Variants in TENT4B observed in about 807,000 individuals in gnomAD.
TENT4B encodes PAP associated domain containing 5.
A neutral mutation model predicts 75.0 loss-of-function variants in TENT4B; 10 were observed. The observed-to-expected ratio is 0.13, with a 90% CI of 0.08 to 0.23. The LOEUF (loss-of-function observed/expected upper bound fraction) is 0.23. TENT4B is among the 10% of genes least tolerant of loss of function. The pLI is 1.00. For synonymous variants in TENT4B, 350 were observed against 357.7 expected, an observed-to-expected ratio of 0.98 and a Z score of 0.24; for missense variants, 579 against 893.8, an observed-to-expected ratio of 0.65 and a Z score of 4.49.
At chr16:50,218,321 G>T (rs1012420147) in intron 5 of TENT4B, among the ~76,000 whole-genome samples, 2 of 151,840 alleles carry the variant, frequency 1.3e-5, no homozygotes, top group South Asian at 2.1e-4. Context: ...ATACTGTGCG[G>T]GCAGTGAGCT....
At position 50,234,642 on chromosome 16, in the gene TENT4B, A is replaced by G. The variant is rs117713285; in HGVS notation, c.*5314A>G. ...TGAAACTTACAGAAGTCACTTTAAA[A>G]AAGTCTTTTGAAAGTCCTACAATCC... On this transcript the variant is annotated 3_prime_UTR_variant, in exon 12 of 12. Coordinates refer to ENST00000561678, the MANE Select transcript of TENT4B (RefSeq NM_001365324.3). The G allele has an allele frequency of 9.9e-3, 9,770 of 985,400 alleles. 53 individuals carry two copies. The highest frequency in any genetic ancestry group is 0.011 in the Non-Finnish European group (9,180 of 829,898). 61.0% of individuals were successfully genotyped at this position (985,400 alleles called of 1,614,324 possible). A position where few individuals can be genotyped will look rare whatever the true frequency, so the allele number is the denominator to read the frequency against.
intron 1 of TENT4B, among the ~76,000 whole-genome samples, chr16:50,173,820 G>A (rs8043876): frequency 0.97 from 148,218 of 152,182 alleles, 72,179 homozygotes; most frequent in East Asian, 1. Flanking sequence ...CAGCTCCCCA[G>A]GTAGCTGGGA....
intron 1 of TENT4B, among the ~76,000 whole-genome samples, chr16:50,166,425 C>A (rs2150675833): frequency 6.6e-6 from 1 of 152,254 alleles, no homozygotes; most frequent in African/African-American, 2.4e-5. Context: ...TATAGCCAAT[C>A]TAGTGGGTAT....
chr16:50,170,816 G>A (rs1048184591), intron 1 of TENT4B, among the ~76,000 whole-genome samples: 2 of 152,034 alleles, frequency 1.3e-5, no homozygotes, highest in African/African-American at 4.8e-5. Flanking sequence ...ACAGGTGCGG[G>A]CCATCATGCC....
intron 1 of TENT4B, among the ~76,000 whole-genome samples, chr16:50,157,253 G>A (rs1328564877): frequency 6.6e-6 from 1 of 152,146 alleles, no homozygotes; most frequent in Non-Finnish European, 1.5e-5. Context: ...GCTGTCTTTT[G>A]TGTTCTCTGC....
At chr16:50,166,505 C>T (rs2038103446) in intron 1 of TENT4B, among the ~76,000 whole-genome samples, 1 of 152,154 alleles carries the variant, frequency 6.6e-6, no homozygotes, top group Admixed American at 6.5e-5. Context: ...TTTACATGAG[C>T]TTGTTGGCCA....
intron 1 of TENT4B, among the ~76,000 whole-genome samples, chr16:50,202,552 C>T (rs376533941): frequency 3.9e-5 from 6 of 152,202 alleles, no homozygotes; most frequent in African/African-American, 9.6e-5. Flanking sequence ...TTGAGGAATA[C>T]ATTTATTAAT....
In TENT4B at chr16:50,231,145, T is replaced by A; in HGVS notation, c.*1817T>A. On this transcript the variant is annotated 3_prime_UTR_variant, in exon 12 of 12. Coordinates refer to ENST00000561678, the MANE Select transcript of TENT4B (RefSeq NM_001365324.3). ...AATGTGTTCCAAAACTGGAAACTCATAGTACTCGTGTAAACTGTGGAAGAT... is the reference window on the plus strand; with the variant it reads ...AATGTGTTCCAAAACTGGAAACTCAAAGTACTCGTGTAAACTGTGGAAGAT... 2.0e-6 allele frequency: 2 copies of A among 985,580 alleles called. No homozygotes were observed. Among genetic ancestry groups the A allele is most frequent in the Non-Finnish European group, 2.4e-6 (2 of 829,700 alleles). 61.1% of individuals were successfully genotyped at this position (985,580 alleles called of 1,614,324 possible).
intron 1 of TENT4B, among the ~76,000 whole-genome samples, chr16:50,172,496 T>C (rs574812590): frequency 7.7e-6 from 1 of 130,296 alleles, no homozygotes; most frequent in South Asian, 2.6e-4. Context: ...TATATTTTAA[T>C]AGAATTTATT....
intron 1 of TENT4B, among the ~76,000 whole-genome samples, chr16:50,179,192 G>A (rs1005289106): frequency 6.6e-6 from 1 of 151,988 alleles, no homozygotes; most frequent in Non-Finnish European, 1.5e-5. Flanking sequence ...GAGAAACCCC[G>A]TCTCTACTAA....
intron 1 of TENT4B, among the ~76,000 whole-genome samples, chr16:50,206,297 A>T (rs1207633616): frequency 6.6e-6 from 1 of 151,978 alleles, no homozygotes; most frequent in South Asian, 2.1e-4. Context: ...TGCCTTTTCA[A>T]TATATTGTTT....
intron 1 of TENT4B, among the ~76,000 whole-genome samples, chr16:50,157,788 C>T (rs1287093185): frequency 6.7e-6 from 1 of 149,862 alleles, no homozygotes. Context: ...TTTTTTGAGA[C>T]AGGGTCTTGC....
rs869060811 is a variant in TENT4B at position 50,182,891 on chromosome 16, C to CTTTTTTTTTTTTTTTT, written c.639-28416_639-28401dup. Among the ~76,000 whole-genome samples the CTTTTTTTTTTTTTTTT allele has an allele frequency of 9.0e-3, 327 of 36,454 alleles. 92 individuals are homozygous for CTTTTTTTTTTTTTTTT. Among genetic ancestry groups the CTTTTTTTTTTTTTTTT allele is most frequent in the East Asian group, 0.02 (17 of 848 alleles). The allele number at this position is 36,454 out of a possible 152,430, so 23.9% of individuals were successfully genotyped here. A position where few individuals can be genotyped will look rare whatever the true frequency, so the allele number is the denominator to read the frequency against. On this transcript the variant is annotated intron_variant, in intron 1 of 11. Transcript: ENST00000561678. ...CCAAGTACAGCAAGTTTTATTTTAC[C>CTTTTTTTTTTTTTTTT]TTTTTTTTTTTTTTTTTTTTTTTTT...
At position 50,172,952 on chromosome 16, in the gene TENT4B, C is replaced by CT. The variant is rs1297251458; in HGVS notation, c.638+18701dup. 3.1e-4 allele frequency among the ~76,000 whole-genome samples: 47 copies of CT among 151,850 alleles called. No individual in the cohort carries two copies. In the South Asian group the frequency reaches 9.4e-3, roughly 30 times the overall value. ...TCCTTCCTGGCTTGATAGCTCTTTTCTTTTTTTTGAGATGGAGTCTCGCTC... is the reference window on the plus strand; with the variant it reads ...TCCTTCCTGGCTTGATAGCTCTTTTCTTTTTTTTTGAGATGGAGTCTCGCTC... On this transcript the variant is annotated intron_variant, in intron 1 of 11. Transcript: ENST00000561678.
rs932614274 is a variant in TENT4B at position 50,210,061 on chromosome 16, C to G, written c.639-1262C>G. Among the ~76,000 whole-genome samples the G allele has an allele frequency of 2.6e-5, 4 of 152,144 alleles. No individual in the cohort carries two copies. In the South Asian group the frequency reaches 6.2e-4, roughly 24 times the overall value. On this transcript the variant is annotated intron_variant, in intron 1 of 11. Coordinates refer to ENST00000561678, the MANE Select transcript of TENT4B (RefSeq NM_001365324.3). Reference sequence around the variant, plus strand: ...CACTGCTGTGCCCCAGGCCAAACCCCCTGCCCCTCCTTCCCCTAAGGCACT... The same window carrying G: ...CACTGCTGTGCCCCAGGCCAAACCCGCTGCCCCTCCTTCCCCTAAGGCACT...
At chr16:50,191,868 G>A (rs529196657) in intron 1 of TENT4B, among the ~76,000 whole-genome samples, 6 of 152,172 alleles carry the variant, frequency 3.9e-5, no homozygotes, top group South Asian at 2.1e-4. Flanking sequence ...GCGGTGAGTC[G>A]AGATCGCACC....
chr16:50,199,402 G>GT (rs2030491620), intron 1 of TENT4B, among the ~76,000 whole-genome samples: 1 of 152,222 alleles, frequency 6.6e-6, no homozygotes, highest in African/African-American at 2.4e-5. Context: ...TAGTGGGGGA[G>GT]TAAGGGGACA....
At chr16:50,180,093 C>T (rs1287679812) in intron 1 of TENT4B, among the ~76,000 whole-genome samples, 1 of 139,688 alleles carries the variant, frequency 7.2e-6, no homozygotes, top group Non-Finnish European at 1.5e-5. Context: ...ATAGTTTTCA[C>T]TTTCTTTTTT....
At chr16:50,157,923 G>A (rs1258356102) in intron 1 of TENT4B, among the ~76,000 whole-genome samples, 1 of 151,954 alleles carries the variant, frequency 6.6e-6, no homozygotes, top group Non-Finnish European at 1.5e-5. Context: ...GTGCCACCAT[G>A]CCTGGCTCAT....
Sources: gnomAD v4.1 joint callset for allele counts (sites outside exome capture counted in the v4.1 genomes callset) on GRCh38, gnomAD v4.1.1 for gene constraint, MANE v1.5 for transcripts, NCBI Gene and HGNC (gene_info 2026-07-23, HGNC 2026-07-21) for gene names.